Variants in LIMD2 observed in about 807,000 individuals in gnomAD.
LIMD2 encodes LIM domain containing 2.
LIMD2 carries 11 observed loss-of-function variants against 16.0 expected under a neutral mutation model. That is an observed-to-expected ratio of 0.69 (90% CI 0.43 to 1.14). LIMD2 has a LOEUF of 1.14. Among genes scored for constraint, LIMD2 ranks in the 50% most tolerant of loss-of-function variants. The pLI, the probability that LIMD2 is intolerant of heterozygous loss-of-function variation, is 0.00. For synonymous variants in LIMD2, 60 were observed against 67.1 expected (o/e 0.89, Z 0.52); for missense variants, 168 against 165.8 (o/e 1.01, Z -0.07).
In LIMD2 at chr17:63,698,557, C is replaced by A. The variant is rs771796363; in HGVS notation, c.379G>T (p.Ala127Ser). The A allele has an allele frequency of 6.2e-7, 1 of 1,613,516 alleles. No individual in the cohort carries two copies. Among genetic ancestry groups the A allele is most frequent in the South Asian group, 1.1e-5 (1 of 91,060 alleles). Residue 127 changes from alanine to serine, a missense_variant, in exon 5 of 5, where the codon GCC becomes TCC. Coordinates refer to ENST00000259006, the MANE Select transcript of LIMD2 (RefSeq NM_030576.4). ...GGTGGAAGGTTACAGAGGCCTCAGG[C>A]CGTCTTGGTGCCGGGGTCCACCTCC... ...HKEVDPGTKT[A>S]
chr17:63,697,787 TCCCCCAGCAGG>T lies in LIMD2; in HGVS notation c.*754_*764del, dbSNP rs2143666004. 1 of 152,280 alleles carries T rather than the reference TCCCCCAGCAGG, an allele frequency of 6.6e-6. No homozygotes were observed. Among genetic ancestry groups the T allele is most frequent in the South Asian group, 2.1e-4 (1 of 4,834 alleles). 9.4% of individuals were successfully genotyped at this position (152,280 alleles called of 1,614,324 possible). ...GAGTCTGCACCCTTCCTGTGACAGA[TCCCCCAGCAGG>T]CCACACAATAGAGAATCTGGATCTA... is the stretch of plus-strand genomic sequence containing the variant. On this transcript the variant is annotated 3_prime_UTR_variant, in exon 5 of 5. Transcript: ENST00000259006.
chr17:63,699,132 C>T (rs2035743203), intron 2 of LIMD2, 63 bp from the exon 3 acceptor site: 3 of 1,578,916 alleles, frequency 1.9e-6, no homozygotes, highest in South Asian at 1.1e-5. Flanking sequence ...GGGCTGCAGC[C>T]ATCAGCCCAA....
In LIMD2 at chr17:63,699,065, G is replaced by T. The variant is rs555698558; in HGVS notation, c.47C>A (p.Ala16Asp). 6.2e-7 allele frequency: 1 copy of T among 1,605,524 alleles called. No individual in the cohort carries two copies. The change falls in exon 3 of 5, where the codon GCC becomes GAC. Residue 16 changes from alanine to aspartate, a missense_variant. Ala to Asp is a moderately radical substitution (Grantham distance 126). Coordinates refer to ENST00000259006, the MANE Select transcript of LIMD2 (RefSeq NM_030576.4). ...CACCGTGCTGCTGCCGCCGCCTTTG[G>T]CGTCCTGAGGGAGAGGGGCGGTCAG... ...GAAQATPSHD[A>D]KGGGSSTVQR...
chr17:63,698,206 C>T lies in LIMD2; in HGVS notation c.*346G>A. The T allele has an allele frequency of 3.4e-6, 1 of 294,536 alleles. No homozygotes were observed. Among genetic ancestry groups the T allele is most frequent in the Non-Finnish European group, 6.5e-6 (1 of 153,140 alleles). The allele number at this position is 294,536 out of a possible 1,614,324, so 18.2% of individuals were successfully genotyped here. A position where few individuals can be genotyped will look rare whatever the true frequency, so the allele number is the denominator to read the frequency against. The stretch of plus-strand genomic sequence containing the variant: ...CGGTGGCAGTGAGGGAGCTTGGGAC[C>T]CTGAGGGGGGCATGCTGACTCCTTG... On this transcript the variant is annotated 3_prime_UTR_variant, in exon 5 of 5. Coordinates refer to ENST00000259006, the MANE Select transcript of LIMD2 (RefSeq NM_030576.4).
chr17:63,700,805 G>C (rs1049546157), upstream of LIMD2: 1 of 118,348 alleles, frequency 8.4e-6, no homozygotes, highest in Non-Finnish European at 1.9e-5. The surrounding 1 kb of genome is among the most constrained non-coding windows in gnomAD (Gnocchi z 7.1). Context: ...GCCTGCACGA[G>C]GGCCCGGCAG....
rs2035731412 is a variant in LIMD2 at position 63,698,654 on chromosome 17, C to T, written c.282G>A (p.Gln94=). ...GEFYCKPHFQ[Q]LFKSKGNYDE... ...CGTAGTTGCCTTTGCTCTTAAACAGCTGCTGGAAGTGGGGTTTGCAGTAGA... is the reference window on the plus strand; with the variant it reads ...CGTAGTTGCCTTTGCTCTTAAACAGTTGCTGGAAGTGGGGTTTGCAGTAGA... Residue 94 remains glutamine, a synonymous_variant, in exon 5 of 5, where the codon CAG becomes CAA. Coordinates refer to ENST00000259006, the MANE Select transcript of LIMD2 (RefSeq NM_030576.4). The T allele has an allele frequency of 9.9e-6, 16 of 1,613,842 alleles. No individual in the cohort carries two copies. The highest frequency in any genetic ancestry group is 1.2e-5 in the Non-Finnish European group (14 of 1,180,028).
At position 63,700,085 on chromosome 17, in the gene LIMD2, G is replaced by T; in HGVS notation, c.-104C>A. 1.1e-5 allele frequency: 11 copies of T among 984,740 alleles called. No homozygotes were observed. Among genetic ancestry groups the T allele is most frequent in the Non-Finnish European group, 1.3e-5 (11 of 829,464 alleles). The allele number at this position is 984,740 out of a possible 1,614,324, so 61.0% of individuals were successfully genotyped here. A position where few individuals can be genotyped will look rare whatever the true frequency, so the allele number is the denominator to read the frequency against. The stretch of plus-strand genomic sequence containing the variant: ...TCGGTCTCCGGGGGCGCACGGGTAC[G>T]AGGAGGGCGCGGGCGCGAGCTGCTG... On this transcript the variant is annotated 5_prime_UTR_variant, in exon 1 of 5. Transcript: ENST00000259006. This position sits in a 1 kb window ranked among gnomAD's most constrained non-coding sequence, Gnocchi z 7.1.
intron 1 of LIMD2, 131 bp from the exon 2 acceptor site, chr17:63,699,479 T>A (rs1304405770): frequency 3.6e-6 from 3 of 832,714 alleles, no homozygotes; most frequent in Non-Finnish European, 1.8e-6. Context: ...TTGCTCTTGG[T>A]CTTGCCACTT....
Position 63,699,082 on chromosome 17 carries a change from G to T in LIMD2, c.43-13C>A, listed in dbSNP as rs771128803. On this transcript the variant is annotated splice_polypyrimidine_tract_variant and intron_variant, in intron 2 of 4. Transcript: ENST00000259006. Reference sequence around the variant, plus strand: ...CGCCTTTGGCGTCCTGAGGGAGAGGGGCGGTCAGGGCAGGGGCAGCTCCGG... The same window carrying T: ...CGCCTTTGGCGTCCTGAGGGAGAGGTGCGGTCAGGGCAGGGGCAGCTCCGG... The T allele has an allele frequency of 1.5e-5, 24 of 1,600,112 alleles. No individual in the cohort carries two copies. In the South Asian group the frequency reaches 2.7e-4, roughly 18 times the overall value.
rs756767360 is a variant in LIMD2 at position 63,698,917 on chromosome 17, C to T, written c.106G>A (p.Val36Met). Residue 36 changes from valine (V) to methionine (M), a missense_variant, in exon 4 of 5, where the codon GTG becomes ATG. Transcript: ENST00000259006. ...RSKSFSLRAQ[V>M]KETCAACQKT... ...TGGCAGGCGGCGCAGGTCTCCTTCACCTGGGCCCGCAGGCTGAAGGACTGT... is the reference window on the plus strand; with the variant it reads ...TGGCAGGCGGCGCAGGTCTCCTTCATCTGGGCCCGCAGGCTGAAGGACTGT... 6.2e-6 allele frequency: 10 copies of T among 1,612,694 alleles called. No individual in the cohort carries two copies. In the Admixed American group the frequency reaches 1.0e-4, roughly 16 times the overall value.
rs770751360 is a variant in LIMD2 at position 63,698,839 on chromosome 17, T to C, written c.184A>G (p.Asn62Asp). The change falls in exon 4 of 5, where the codon AAC becomes GAC. Residue 62 changes from asparagine to aspartate, a missense_variant. Coordinates refer to ENST00000259006, the MANE Select transcript of LIMD2 (RefSeq NM_030576.4). Reference sequence around the variant, plus strand: ...CAGTGCTTGCAGCAGAAGCAAGAGTTGTGGAAAATGAGCTTGTCGGCCACC... The same window carrying C: ...CAGTGCTTGCAGCAGAAGCAAGAGTCGTGGAAAATGAGCTTGTCGGCCACC... ...RLVADKLIFHNSCFCCKHCHT... is the reference protein window; with the variant it reads ...RLVADKLIFHDSCFCCKHCHT... 8.7e-6 allele frequency: 14 copies of C among 1,611,288 alleles called. No individual in the cohort carries two copies. The East Asian group carries it at 3.1e-4, about 36-fold the overall frequency.
Position 63,698,218 on chromosome 17 carries a change from A to G in LIMD2, c.*334T>C. On this transcript the variant is annotated 3_prime_UTR_variant, in exon 5 of 5. Coordinates refer to ENST00000259006, the MANE Select transcript of LIMD2 (RefSeq NM_030576.4). ...GGGAGCTTGGGACCCTGAGGGGGGC[A>G]TGCTGACTCCTTGCTGGAGAAAAGG... 9.4e-6 allele frequency: 3 copies of G among 318,222 alleles called. No homozygotes were observed. The highest frequency in any genetic ancestry group is 1.8e-5 in the Non-Finnish European group (3 of 167,400). The allele number at this position is 318,222 out of a possible 1,614,324, so 19.7% of individuals were successfully genotyped here.
At chr17:63,699,696 A>G in intron 1 of LIMD2, 1 of 378,114 alleles carries the variant, frequency 2.6e-6, no homozygotes, top group Non-Finnish European at 3.6e-6. Flanking sequence ...CCCCGACCTG[A>G]CCCCGGCCCT....
At chr17:63,699,398 G>T (rs1419937361) in intron 1 of LIMD2, 50 bp from the exon 2 acceptor site, 19 of 1,488,550 alleles carry the variant, frequency 1.3e-5, no homozygotes, top group Non-Finnish European at 1.3e-5. Context: ...GCCCCAGCCT[G>T]CAGGGTGGGG....
Position 63,697,281 on chromosome 17 carries a change from G to C in LIMD2, c.*1271C>G, listed in dbSNP as rs888226666. 2.0e-5 allele frequency: 3 copies of C among 152,304 alleles called. No homozygotes were observed. Among genetic ancestry groups the C allele is most frequent in the African/African-American group, 7.2e-5 (3 of 41,452 alleles). 9.4% of individuals were successfully genotyped at this position (152,304 alleles called of 1,614,324 possible). A position where few individuals can be genotyped will look rare whatever the true frequency, so the allele number is the denominator to read the frequency against. On this transcript the variant is annotated 3_prime_UTR_variant, in exon 5 of 5. Coordinates refer to ENST00000259006, the MANE Select transcript of LIMD2 (RefSeq NM_030576.4). ...GCAAGGGGATGATGACAGCAGCGAG[G>C]GGTAATGATGAGGGGGGACAATCCA...
rs1555694899 is a variant in LIMD2, at chr17:63,696,338, T to TC, written c.*2213_*2214insG. On this transcript the variant is annotated 3_prime_UTR_variant, in exon 5 of 5. Transcript: ENST00000259006. ...GGTCCTGTGGCAGTGCTTTCAGTTGTGGGGGGTGGAGGTAGGTTTTTGCTT... is the reference window on the plus strand; with the variant it reads ...GGTCCTGTGGCAGTGCTTTCAGTTGTCGGGGGGTGGAGGTAGGTTTTTGCTT... 1 of 152,182 alleles carries TC rather than the reference T, an allele frequency of 6.6e-6. No individual in the cohort carries two copies. The highest frequency in any genetic ancestry group is 2.4e-5 in the African/African-American group (1 of 41,252). 9.4% of individuals were successfully genotyped at this position (152,182 alleles called of 1,614,324 possible).
chr17:63,700,210 G>A, upstream of LIMD2: 8 of 952,442 alleles, frequency 8.4e-6, no homozygotes, highest in Non-Finnish European at 1.0e-5. The surrounding 1 kb of genome is among the most constrained non-coding windows in gnomAD (Gnocchi z 7.1). Flanking sequence ...GCTCCGCCGC[G>A]CCCGGAGCCG....
At position 63,699,266 on chromosome 17, in the gene LIMD2, G is replaced by C. The variant is rs762373513; in HGVS notation, c.33C>G (p.Thr11=). The C allele has an allele frequency of 6.2e-7, 1 of 1,611,552 alleles. No individual in the cohort carries two copies. The highest frequency in any genetic ancestry group is 8.5e-7 in the Non-Finnish European group (1 of 1,179,414). ...CCAGCCGGGCACTTACATGAGAGGG[G>C]GTGGCCTGGGCGGCTCCTGCAGCCT... The part of the protein sequence containing the change: MFQAAGAAQA[T]PSHDAKGGGS... The change falls in exon 2 of 5, where the codon ACC becomes ACG. Residue 11 remains threonine, a synonymous_variant. Coordinates refer to ENST00000259006, the MANE Select transcript of LIMD2 (RefSeq NM_030576.4).
At chr17:63,698,753 G>A in intron 4 of LIMD2, 42 bp from the exon 5 acceptor site, 1 of 1,613,000 alleles carries the variant, frequency 6.2e-7, no homozygotes, top group Non-Finnish European at 8.5e-7. Flanking sequence ...GTCAGGTCGG[G>A]GCTGGGTTGG....
Sources: allele counts gnomAD v4.1 joint callset, GRCh38; gene constraint gnomAD v4.1.1; non-coding constraint Gnocchi (gnomAD v3.1); transcripts MANE v1.5; gene names NCBI Gene and HGNC (gene_info 2026-07-23, HGNC 2026-07-21).